Variants in SMYD3 observed in about 807,000 individuals in gnomAD.
SMYD3 encodes the protein SET and MYND domain containing 3.
Under a neutral mutation model 57.7 loss-of-function variants are expected in SMYD3, and 36 were observed. The observed-to-expected ratio is 0.62, with a 90% confidence interval of 0.48 to 0.82. The LOEUF (loss-of-function observed/expected upper bound fraction) is 0.82, where lower values mean the gene tolerates loss of function less well. Ranked by LOEUF, SMYD3 falls within the 40% of genes least tolerant of loss-of-function variation. The pLI, the probability that SMYD3 is intolerant of heterozygous loss-of-function variation, is 0.00. For synonymous variants in SMYD3, 211 were observed against 195.0 expected (o/e 1.08, Z -0.68); for missense variants, 515 against 538.8 (o/e 0.96, Z 0.44).
chr1:246,442,998 C>G (rs1365764775), intron 1 of SMYD3, among the ~76,000 whole-genome samples: 2 of 152,132 alleles, frequency 1.3e-5, no homozygotes, highest in African/African-American at 2.4e-5. Flanking sequence ...ATTTTATGCT[C>G]TACTGTATTT....
intron 8 of SMYD3, among the ~76,000 whole-genome samples, 198 bp downstream of exon 8, chr1:245,915,332 C>T (rs1020842504): frequency 5.3e-5 from 8 of 152,164 alleles, no homozygotes; most frequent in Admixed American, 3.3e-4. Flanking sequence ...TTGGTTAAAT[C>T]GGTTAAATCT....
At chr1:245,807,172 G>A (rs1572392650) in intron 10 of SMYD3, among the ~76,000 whole-genome samples, 1 of 151,974 alleles carries the variant, frequency 6.6e-6, no homozygotes, top group Non-Finnish European at 1.5e-5. Context: ...GGCTACAGTG[G>A]GCAGCCCTCA....
At chr1:245,775,833 A>C (rs2148116759) in intron 10 of SMYD3, among the ~76,000 whole-genome samples, 1 of 152,038 alleles carries the variant, frequency 6.6e-6, no homozygotes, top group South Asian at 2.1e-4. Context: ...ACAAAGAAAA[A>C]TTGAAAATTT....
chr1:245,923,404 T>C (rs1466997507), intron 7 of SMYD3, among the ~76,000 whole-genome samples: 1 of 152,142 alleles, frequency 6.6e-6, no homozygotes, highest in Non-Finnish European at 1.5e-5. Context: ...GCGCCTCCTA[T>C]AGACCAGCCA....
At chr1:246,420,028 G>A (rs1204866184) in intron 1 of SMYD3, among the ~76,000 whole-genome samples, 2 of 152,102 alleles carry the variant, frequency 1.3e-5, no homozygotes, top group East Asian at 1.9e-4. Context: ...GTGAAACCCC[G>A]TCTCTATTAA....
chr1:246,205,707 C>A (rs1377464950), intron 5 of SMYD3, among the ~76,000 whole-genome samples: 1 of 151,706 alleles, frequency 6.6e-6, no homozygotes, highest in African/African-American at 2.4e-5. Flanking sequence ...GTAGTCCCAG[C>A]TACTCGGGAA....
intron 11 of SMYD3, among the ~76,000 whole-genome samples, chr1:245,754,279 C>T (rs2045518377): frequency 6.6e-6 from 1 of 151,818 alleles, no homozygotes; most frequent in Admixed American, 6.6e-5. Context: ...ATATATTAAG[C>T]TTATCAAGGA....
At chr1:245,758,572 T>G (rs2045707001) in intron 11 of SMYD3, among the ~76,000 whole-genome samples, 2 of 152,210 alleles carry the variant, frequency 1.3e-5, no homozygotes, top group South Asian at 4.1e-4. Context: ...ATTCACCAAT[T>G]CATTCCTCTG....
chr1:246,179,883 C>T (rs1439840854), intron 5 of SMYD3, among the ~76,000 whole-genome samples: 2 of 152,130 alleles, frequency 1.3e-5, no homozygotes, highest in Non-Finnish European at 2.9e-5. Flanking sequence ...ATTCCAAAAG[C>T]TCTGGTCTGG....
intron 5 of SMYD3, among the ~76,000 whole-genome samples, chr1:246,037,013 G>A (rs2059788106): frequency 6.6e-6 from 1 of 152,036 alleles, no homozygotes; most frequent in South Asian, 2.1e-4. Flanking sequence ...CCCTTGAATG[G>A]ATGTAGCATA....
In SMYD3 at chr1:245,773,779, G is replaced by A. The variant is rs956810202; in HGVS notation, c.1077-9630C>T. On this transcript the variant is annotated intron_variant, in intron 10 of 11. Transcript: ENST00000490107. ...TTTAATACATCCTTGAGAAAAAATG[G>A]TAATGAGATATTCCCTACAAAAACT... is the stretch of plus-strand genomic sequence containing the variant. Among the ~76,000 whole-genome samples, 10 of 152,150 alleles carry A rather than the reference G, an allele frequency of 6.6e-5. No individual in the cohort carries two copies. The East Asian group carries it at 9.6e-4, about 15-fold the overall frequency.
At chr1:245,978,805 A>T (rs1325784241) in intron 5 of SMYD3, among the ~76,000 whole-genome samples, 2 of 151,986 alleles carry the variant, frequency 1.3e-5, no homozygotes, top group Non-Finnish European at 2.9e-5. Context: ...TTCTGCTCCC[A>T]TTTCCCCTTG....
chr1:246,001,633 A>G (rs1262928307), intron 5 of SMYD3, among the ~76,000 whole-genome samples: 3 of 152,226 alleles, frequency 2.0e-5, no homozygotes, highest in Non-Finnish European at 4.4e-5. Context: ...CTATACATAA[A>G]TGACTAACAT....
chr1:245,801,791 T>A (rs1441941580), intron 10 of SMYD3, among the ~76,000 whole-genome samples: 1 of 141,118 alleles, frequency 7.1e-6, no homozygotes, highest in Non-Finnish European at 1.5e-5. Flanking sequence ...ATTGTATCAA[T>A]AAAAAAGGGA....
intron 10 of SMYD3, among the ~76,000 whole-genome samples, chr1:245,852,251 G>A (rs2051015473): frequency 1.3e-5 from 2 of 152,246 alleles, no homozygotes; most frequent in Admixed American, 1.3e-4. Context: ...GCTTATGCCA[G>A]TTCCATGCAC....
At chr1:245,905,230 G>C (rs888534336) in intron 8 of SMYD3, among the ~76,000 whole-genome samples, 3 of 152,038 alleles carry the variant, frequency 2.0e-5, no homozygotes, top group African/African-American at 7.2e-5. Flanking sequence ...AAAAATAAAA[G>C]GGACTCAACT....
At chr1:246,492,639 A>T (rs1280412219) in intron 1 of SMYD3, among the ~76,000 whole-genome samples, 2 of 152,246 alleles carry the variant, frequency 1.3e-5, no homozygotes, top group African/African-American at 4.8e-5. Context: ...ACCAACAAGT[A>T]AGGCCACTAC....
At chr1:245,777,956 A>C (rs1394045878) in intron 10 of SMYD3, among the ~76,000 whole-genome samples, 1 of 152,126 alleles carries the variant, frequency 6.6e-6, no homozygotes, top group Non-Finnish European at 1.5e-5. Context: ...CTGTCTCTAC[A>C]CCCTGCCCCC....
At chr1:246,059,089 G>A (rs192791551) in intron 5 of SMYD3, among the ~76,000 whole-genome samples, 473 of 152,214 alleles carry the variant, frequency 3.1e-3, no homozygotes, top group Non-Finnish European at 5.3e-3. Flanking sequence ...TGTTAGCCAG[G>A]ATGGTCTCAA....
Sources: allele counts gnomAD v4.1 joint callset (sites outside exome capture counted in the v4.1 genomes callset), GRCh38; gene constraint gnomAD v4.1.1; transcripts MANE v1.5; gene names NCBI Gene and HGNC (gene_info 2026-07-23, HGNC 2026-07-21).